FAM13A: variants seen among roughly 807,000 people sequenced by gnomAD.
The protein encoded by FAM13A is family with sequence similarity 13 member A.
Under a neutral mutation model 129.6 loss-of-function variants are expected in FAM13A, and 76 were observed. That is an observed-to-expected ratio of 0.59 (90% CI 0.49 to 0.71). FAM13A has a LOEUF of 0.71. Ranked by LOEUF, FAM13A falls within the 30% of genes least tolerant of loss-of-function variation. The pLI is 0.00. For missense variants in FAM13A, 1,108 were observed against 1,249.3 expected (o/e 0.89, Z 1.70); for synonymous variants, 443 against 449.9 (o/e 0.98, Z 0.20).
At chr4:89,004,142 T>A (rs1009692280) in intron 3 of FAM13A, among the ~76,000 whole-genome samples, 2 of 152,134 alleles carry the variant, frequency 1.3e-5, no homozygotes, top group African/African-American at 4.8e-5. Flanking sequence ...GCTGGTTTTT[T>A]CTTTTCTTTT....
chr4:88,941,769 A>G (rs911603121), intron 4 of FAM13A, among the ~76,000 whole-genome samples: 3 of 152,076 alleles, frequency 2.0e-5, no homozygotes, highest in Non-Finnish European at 2.9e-5. Flanking sequence ...TTTGTAATTG[A>G]GTACTCTGAT....
rs1319198934 is a variant in FAM13A at position 88,787,836 on chromosome 4, T to C, written c.1188A>G (p.Thr396=). 1 of 1,613,718 alleles carries C rather than the reference T, an allele frequency of 6.2e-7. No individual in the cohort carries two copies. Among genetic ancestry groups the C allele is most frequent in the South Asian group, 1.1e-5 (1 of 91,062 alleles). The part of the protein sequence containing the change: ...GQSSEDSESG[T]LSASSATSAR... ...CAGATGTGGCAGAAGATGCTGATAG[T>C]GTTCCAGATTCTGAGTCCTCTGAAC... Residue 396 remains threonine, a synonymous_variant, in exon 10 of 24, where the codon ACA becomes ACG. Transcript: ENST00000264344.
At chr4:88,852,189 C>T (rs558146646) in intron 6 of FAM13A, among the ~76,000 whole-genome samples, 4 of 149,776 alleles carry the variant, frequency 2.7e-5, no homozygotes, top group South Asian at 2.1e-4. Context: ...GACAGAGTCT[C>T]GCTCTGTCAC....
intron 7 of FAM13A, among the ~76,000 whole-genome samples, chr4:88,850,778 C>G (rs1168148924): frequency 6.6e-6 from 1 of 152,182 alleles, no homozygotes; most frequent in Non-Finnish European, 1.5e-5. Context: ...GTGAGCCTAA[C>G]ATAACTTCTG....
At chr4:88,831,792 T>C (rs1178356987) in intron 7 of FAM13A, among the ~76,000 whole-genome samples, 1 of 152,142 alleles carries the variant, frequency 6.6e-6, no homozygotes, top group African/African-American at 2.4e-5. Context: ...ATAGGAAGAA[T>C]CAGTATCGTG....
At chr4:89,024,668 G>T (rs1227884871) in intron 2 of FAM13A, among the ~76,000 whole-genome samples, 1 of 152,126 alleles carries the variant, frequency 6.6e-6, no homozygotes, top group Non-Finnish European at 1.5e-5. Context: ...TGAAAAAACT[G>T]CAAAGTAATT....
At chr4:88,857,930 T>C (rs187314405) in intron 6 of FAM13A, among the ~76,000 whole-genome samples, 25 of 152,334 alleles carry the variant, frequency 1.6e-4, no homozygotes, top group African/African-American at 4.8e-4. Context: ...CCTAGAAACA[T>C]TGAAATGTTA....
At chr4:88,738,719 T>C (rs1739527435) in intron 20 of FAM13A, among the ~76,000 whole-genome samples, 2 of 152,196 alleles carry the variant, frequency 1.3e-5, no homozygotes, top group Admixed American at 6.5e-5. Context: ...AGTGCAGCCC[T>C]ACCCACGTGG....
At chr4:88,967,319 C>T (rs1759484141) in intron 4 of FAM13A, among the ~76,000 whole-genome samples, 1 of 152,008 alleles carries the variant, frequency 6.6e-6, no homozygotes, top group South Asian at 2.1e-4. Context: ...AACTGAACTG[C>T]TGATTAAAGT....
chr4:88,991,442 T>TA (rs1226113765), intron 3 of FAM13A, among the ~76,000 whole-genome samples: 26 of 151,858 alleles, frequency 1.7e-4, no homozygotes, highest in African/African-American at 6.0e-4. Context: ...CGTCTCAAAA[T>TA]AAAAAATAAT....
In FAM13A at chr4:89,056,969, T is replaced by C. The variant is rs1333050457; in HGVS notation, c.-5A>G. On this transcript the variant is annotated 5_prime_UTR_variant, in exon 1 of 24. Transcript: ENST00000264344. ...GGCTAGAGCTCCTGCCCCCATTCTC[T>C]CAGAAAGCGTCTGGAAGAACTGAGG... The C allele has an allele frequency of 6.2e-7, 1 of 1,613,406 alleles. No homozygotes were observed. Among genetic ancestry groups the C allele is most frequent in the South Asian group, 1.1e-5 (1 of 91,030 alleles).
intron 6 of FAM13A, among the ~76,000 whole-genome samples, chr4:88,892,647 C>T (rs915812617): frequency 6.6e-6 from 1 of 152,106 alleles, no homozygotes; most frequent in Admixed American, 6.6e-5. Context: ...GTGCCAAGAT[C>T]ATACTTAAAA....
chr4:89,038,647 C>T (rs1231376119), intron 1 of FAM13A, among the ~76,000 whole-genome samples: 1 of 151,998 alleles, frequency 6.6e-6, no homozygotes, highest in Non-Finnish European at 1.5e-5. Context: ...ATATTTAATA[C>T]ACTAATAACA....
At chr4:88,889,049 A>G (rs1744928421) in intron 6 of FAM13A, among the ~76,000 whole-genome samples, 1 of 152,152 alleles carries the variant, frequency 6.6e-6, no homozygotes, top group Non-Finnish European at 1.5e-5. Flanking sequence ...GAATAATGAC[A>G]AGGAGGGGAA....
At chr4:88,923,978 T>A (rs1246547346) in intron 5 of FAM13A, among the ~76,000 whole-genome samples, 5 of 152,068 alleles carry the variant, frequency 3.3e-5, no homozygotes, top group Admixed American at 1.3e-4. Context: ...ATAAAATACC[T>A]AGGAATCCAA....
chr4:88,763,993 C>T (rs115046108), intron 13 of FAM13A, among the ~76,000 whole-genome samples: 62 of 152,280 alleles, frequency 4.1e-4, no homozygotes, highest in Non-Finnish European at 7.4e-4. Flanking sequence ...TCCATGAAAA[C>T]AGTGAAGTCA....
At chr4:88,749,458 T>G (rs775629990) in intron 16 of FAM13A, among the ~76,000 whole-genome samples, 16 of 152,214 alleles carry the variant, frequency 1.1e-4, no homozygotes, top group Non-Finnish European at 1.9e-4. Context: ...TTTCAGAAGA[T>G]AATATTGAAT....
intron 4 of FAM13A, among the ~76,000 whole-genome samples, chr4:88,979,693 G>C (rs1013535684): frequency 1.3e-5 from 2 of 152,058 alleles, no homozygotes; most frequent in African/African-American, 4.8e-5. Flanking sequence ...AAACTAATTG[G>C]CCAGGCATGG....
At chr4:89,016,250 A>C (rs1766473042) in intron 3 of FAM13A, among the ~76,000 whole-genome samples, 1 of 151,918 alleles carries the variant, frequency 6.6e-6, no homozygotes, top group Admixed American at 6.5e-5. Context: ...TAAAAATAGA[A>C]AAATATTAAA....
Sources: gnomAD v4.1 joint callset for allele counts (sites outside exome capture counted in the v4.1 genomes callset) on GRCh38, gnomAD v4.1.1 for gene constraint, MANE v1.5 for transcripts, NCBI Gene and HGNC (gene_info 2026-07-23, HGNC 2026-07-21) for gene names.